Variants in EP400 observed in about 807,000 individuals in gnomAD.
EP400 encodes the protein E1A binding protein p400.
Under a neutral mutation model 354.1 loss-of-function variants are expected in EP400, and 105 were observed. That is an observed-to-expected ratio of 0.30 (90% CI 0.25 to 0.35). The LOEUF (loss-of-function observed/expected upper bound fraction) is 0.35. Among genes scored for constraint, EP400 ranks in the 10% least tolerant of loss-of-function variants. The probability of loss-of-function intolerance (pLI) is 1.00; values close to 1 mark genes in which losing one functional copy is unlikely to be tolerated. For synonymous variants in EP400, 1,646 were observed against 1,716.9 expected, an observed-to-expected ratio of 0.96 and a Z score of 1.02; for missense variants, 3,280 against 4,121.0, an observed-to-expected ratio of 0.80 and a Z score of 5.59.
chr12:132,077,416 G>C lies in EP400; in HGVS notation c.9115G>C (p.Val3039Leu), dbSNP rs776566172. The C allele has an allele frequency of 5.6e-6, 9 of 1,611,966 alleles. No homozygotes were observed. The highest frequency in any genetic ancestry group is 5.9e-6 in the Non-Finnish European group (7 of 1,179,634). Reference protein sequence around the residue: ...SASQQASPQTVALTQATAAGQ... With the variant: ...SASQQASPQTLALTQATAAGQ... Reference sequence around the variant, plus strand: ...CTCGGCTCAGGCTTCTCCACAGACTGTGGCGCTCACGCAGGCGACGGCGGC... The same window carrying C: ...CTCGGCTCAGGCTTCTCCACAGACTCTGGCGCTCACGCAGGCGACGGCGGC... Residue 3039 changes from valine (V) to leucine (L), a missense_variant, in exon 53 of 53, where the codon GTG becomes CTG. Coordinates refer to ENST00000389561, the MANE Select transcript of EP400 (RefSeq NM_015409.5).
rs1896010127 is a variant in EP400, at chr12:132,069,624, G to A, written c.9004G>A (p.Val3002Met). 1.2e-6 allele frequency: 2 copies of A among 1,614,232 alleles called. No homozygotes were observed. The highest frequency in any genetic ancestry group is 3.3e-4 in the Middle Eastern group (2 of 6,062). The change falls in exon 51 of 53, where the codon GTG becomes ATG. Residue 3002 changes from valine to methionine, a missense_variant. By Grantham distance (21) the Val-to-Met change is conservative (BLOSUM62 1). This residue lies in a region of EP400 where 279 missense variants were observed against 386.7 expected (regional missense o/e 0.72). Coordinates refer to ENST00000389561, the MANE Select transcript of EP400 (RefSeq NM_015409.5). ...QAQKLAGAQQ[V>M]QTQIQVAKLP... ...CCAGAAACTGGCCGGGGCCCAGCAA[G>A]TGCAGACCCAGATCCAGGTGAGCGG...
At chr12:131,977,081 T>A (rs1892504274) in intron 2 of EP400, among the ~76,000 whole-genome samples, 1 of 152,200 alleles carries the variant, frequency 6.6e-6, no homozygotes, top group African/African-American at 2.4e-5. Flanking sequence ...CTTTTCATAT[T>A]TTTTTGTATT....
intron 47 of EP400, among the ~76,000 whole-genome samples, chr12:132,063,317 A>C: frequency 6.6e-6 from 1 of 152,256 alleles, no homozygotes; most frequent in East Asian, 1.9e-4. Flanking sequence ...GTTCGAGACC[A>C]GCCTGGTCAA....
chr12:132,025,513 T>G lies in EP400; in HGVS notation c.4856-133T>G. ...CCACTTTCCTCACAGTAACTGAACT[T>G]TGCATTGATTTTTTTGTGTAGATTT... On this transcript the variant is annotated intron_variant, in intron 24 of 52. Transcript: ENST00000389561. This position sits in a 1 kb window ranked among gnomAD's most constrained non-coding sequence, Gnocchi z 4.1. The G allele has an allele frequency of 9.2e-7, 1 of 1,088,758 alleles. No homozygotes were observed. 67.4% of individuals were successfully genotyped at this position (1,088,758 alleles called of 1,614,324 possible). A position where few individuals can be genotyped will look rare whatever the true frequency, so the allele number is the denominator to read the frequency against.
intron 25 of EP400, among the ~76,000 whole-genome samples, chr12:132,026,364 C>G (rs1894304587): frequency 6.6e-6 from 1 of 152,210 alleles, no homozygotes; most frequent in Non-Finnish European, 1.5e-5. Flanking sequence ...GAGCCCTTGT[C>G]CTGGTGGCCG....
At chr12:132,031,041 A>T (rs1381272384) in intron 29 of EP400, among the ~76,000 whole-genome samples, 2 of 151,502 alleles carry the variant, frequency 1.3e-5, no homozygotes, top group Non-Finnish European at 3.0e-5. Context: ...AGGTGATTTA[A>T]CAAGTTTTCT....
chr12:132,064,217 T>G (rs1261710774), intron 47 of EP400, among the ~76,000 whole-genome samples: 1 of 152,196 alleles, frequency 6.6e-6, no homozygotes, highest in Non-Finnish European at 1.5e-5. Flanking sequence ...GCTGTTTGCC[T>G]GTCTCCTTCG....
Position 132,044,660 on chromosome 12 carries a change from G to C in EP400, c.6586-11G>C, listed in dbSNP as rs751584295. 21 of 1,614,054 alleles carry C rather than the reference G, an allele frequency of 1.3e-5. No individual in the cohort carries two copies. The highest frequency in any genetic ancestry group is 1.8e-5 in the Non-Finnish European group (21 of 1,180,032). On this transcript the variant is annotated splice_polypyrimidine_tract_variant and intron_variant, in intron 35 of 52. Coordinates refer to ENST00000389561, the MANE Select transcript of EP400 (RefSeq NM_015409.5). ...CTTGGTGGAAGTCAGAGCTTGCCGT[G>C]TTCCCTACAGGAGTATGTCTACGAA...
At chr12:132,009,602 C>T (rs563005869) in intron 15 of EP400, among the ~76,000 whole-genome samples, 8 of 152,248 alleles carry the variant, frequency 5.3e-5, no homozygotes, top group African/African-American at 1.9e-4. Flanking sequence ...AGAAAGATTG[C>T]GGTCAGCCAC....
chr12:131,987,672 C>G, intron 6 of EP400, 33 bp from the exon 7 acceptor site: 1 of 1,526,416 alleles, frequency 6.6e-7, no homozygotes, highest in Non-Finnish European at 8.8e-7. Flanking sequence ...TCATCACATG[C>G]CGACCCCACC....
At chr12:132,021,776 G>A (rs1460225110) in intron 23 of EP400, among the ~76,000 whole-genome samples, 1 of 152,150 alleles carries the variant, frequency 6.6e-6, no homozygotes, top group Non-Finnish European at 1.5e-5. Flanking sequence ...TTAGTCTCTC[G>A]CCTGTTACCA....
chr12:131,993,833 A>T (rs1486674045), intron 11 of EP400, among the ~76,000 whole-genome samples: 1 of 152,228 alleles, frequency 6.6e-6, no homozygotes, highest in Admixed American at 6.5e-5. Flanking sequence ...GTCCCATTGC[A>T]TATGCGGTCC....
intron 2 of EP400, among the ~76,000 whole-genome samples, chr12:131,978,468 A>G (rs1022714772): frequency 6.6e-6 from 1 of 152,134 alleles, no homozygotes. Context: ...AAGACATCAC[A>G]GAGTTAGGAT....
Position 132,077,622 on chromosome 12 carries a change from G to A in EP400, c.9321G>A (p.Met3107Ile), listed in dbSNP as rs1276884428. ...DSPSQQPKLQ[M>I]RVPAVRLKTP... ...CAAGCCAGCAGCCCAAGTTACAGAT[G>A]AGGGTCCCTGCTGTCAGGCTAAAGA... The change falls in exon 53 of 53, where the codon ATG becomes ATA. Residue 3107 changes from methionine to isoleucine, a missense_variant. Met to Ile is a conservative substitution (Grantham distance 10, BLOSUM62 1). Transcript: ENST00000389561. 6.2e-7 allele frequency: 1 copy of A among 1,613,846 alleles called. No individual in the cohort carries two copies. Among genetic ancestry groups the A allele is most frequent in the Non-Finnish European group, 8.5e-7 (1 of 1,179,942 alleles).
intron 29 of EP400, among the ~76,000 whole-genome samples, chr12:132,030,960 C>T (rs1484204219): frequency 6.6e-6 from 1 of 152,184 alleles, no homozygotes; most frequent in Non-Finnish European, 1.5e-5. Context: ...CCCTGTAAGT[C>T]GCGCAGCCTG....
chr12:132,001,247 G>A (rs923593164), intron 12 of EP400, among the ~76,000 whole-genome samples: 3 of 151,206 alleles, frequency 2.0e-5, no homozygotes, highest in African/African-American at 7.4e-5. Context: ...CAAAGCAAAA[G>A]GGGCAGGGTA....
intron 47 of EP400, 21 bp from the exon 48 acceptor site, chr12:132,064,647 G>T: frequency 6.2e-7 from 1 of 1,607,022 alleles, no homozygotes; most frequent in Non-Finnish European, 8.5e-7. Flanking sequence ...TTGAAGAGAA[G>T]ATACTTTGCT....
intron 2 of EP400, among the ~76,000 whole-genome samples, chr12:131,972,127 GT>G (rs1361910515): frequency 1.3e-5 from 2 of 151,088 alleles, no homozygotes; most frequent in Non-Finnish European, 2.9e-5. Context: ...TTCAGCGTGA[GT>G]TTTATTACTT....
chr12:131,952,854 A>G (rs1891561877), intron 1 of EP400, among the ~76,000 whole-genome samples: 1 of 151,032 alleles, frequency 6.6e-6, no homozygotes, highest in African/African-American at 2.4e-5. Flanking sequence ...TTTGTTTTCC[A>G]TCTTTTTTTT....
Sources: allele counts gnomAD v4.1 joint callset (sites outside exome capture counted in the v4.1 genomes callset), GRCh38; gene constraint gnomAD v4.1.1; regional missense constraint gnomAD v4.1.1; non-coding constraint Gnocchi (gnomAD v3.1); transcripts MANE v1.5; gene names NCBI Gene and HGNC (gene_info 2026-07-23, HGNC 2026-07-21).